EVI5: variants seen among roughly 807,000 people sequenced by gnomAD.
The protein encoded by EVI5 is ecotropic viral integration site 5, also known as ecotropic viral integration site 5 protein homolog.
EVI5 carries 73 observed loss-of-function variants against 112.0 expected under a neutral mutation model. The observed-to-expected ratio is 0.65, with a 90% CI of 0.54 to 0.79. The LOEUF (loss-of-function observed/expected upper bound fraction) is 0.79, where lower values mean the gene tolerates loss of function less well. Among genes scored for constraint, EVI5 ranks in the 30% least tolerant of loss-of-function variants. The probability of loss-of-function intolerance (pLI) is 0.00; values close to 1 mark genes in which losing one functional copy is unlikely to be tolerated. For synonymous variants in EVI5, 305 were observed against 319.9 expected (o/e 0.95, Z 0.50); for missense variants, 900 against 968.8 (o/e 0.93, Z 0.94).
chr1:92,528,460 C>A (rs1162667446), intron 19 of EVI5, among the ~76,000 whole-genome samples: 1 of 152,100 alleles, frequency 6.6e-6, no homozygotes, highest in Admixed American at 6.6e-5. Flanking sequence ...CATTCCTAGG[C>A]ATATGAAAAA....
At position 92,584,104 on chromosome 1, in the gene EVI5, TAAG is replaced by T. The variant is rs1385042219; in HGVS notation, c.2071-20370_2071-20368del. ...AAACACAAGCGTAAAGCTTTCATTTTAAGAATATTTTATATTATACCCACAGAT... is the reference window on the plus strand; with the variant it reads ...AAACACAAGCGTAAAGCTTTCATTTTAATATTTTATATTATACCCACAGAT... On this transcript the variant is annotated intron_variant, in intron 18 of 19. Coordinates refer to ENST00000684568, the MANE Select transcript of EVI5 (RefSeq NM_001350197.2). Among the ~76,000 whole-genome samples the T allele has an allele frequency of 5.9e-5, 9 of 152,282 alleles. No individual in the cohort carries two copies. The East Asian group carries it at 1.7e-3, about 29-fold the overall frequency.
intron 1 of EVI5, among the ~76,000 whole-genome samples, chr1:92,743,137 G>A (rs1678684123): frequency 6.6e-6 from 1 of 152,258 alleles, no homozygotes; most frequent in Admixed American, 6.5e-5. Flanking sequence ...CGGATCACCT[G>A]AGGTCAGGAG....
chr1:92,777,163 C>G (rs1442248110), intron 1 of EVI5, among the ~76,000 whole-genome samples: 1 of 152,124 alleles, frequency 6.6e-6, no homozygotes, highest in Non-Finnish European at 1.5e-5. Flanking sequence ...GTCTTAAACT[C>G]CTGACCTCAG....
chr1:92,759,317 C>G (rs1377395980), intron 1 of EVI5, among the ~76,000 whole-genome samples: 1 of 152,118 alleles, frequency 6.6e-6, no homozygotes, highest in Non-Finnish European at 1.5e-5. Flanking sequence ...ATTTAATTGT[C>G]AACAAACTCA....
chr1:92,782,630 CG>C (rs1685010106), intron 1 of EVI5, among the ~76,000 whole-genome samples: 2 of 152,248 alleles, frequency 1.3e-5, no homozygotes, highest in African/African-American at 2.4e-5. Flanking sequence ...GTGGGGTAAC[CG>C]GAACATTCCC....
In EVI5 at chr1:92,692,156, C is replaced by T. The variant is rs72968817; in HGVS notation, c.1097+1646G>A. ...TTGATAAAGCAGAATGGGGAGAGCA[C>T]GAATAAGGAAGTGAAAGAAATAGAG... On this transcript the variant is annotated intron_variant, in intron 9 of 19. Transcript: ENST00000684568. Among the ~76,000 whole-genome samples the T allele has an allele frequency of 4.2e-3, 630 of 151,704 alleles. 5 individuals carry two copies. The highest frequency in any genetic ancestry group is 0.015 in the African/African-American group (607 of 41,318).
intron 14 of EVI5, among the ~76,000 whole-genome samples, chr1:92,626,924 C>T (rs1049206002): frequency 6.6e-6 from 1 of 152,164 alleles, no homozygotes; most frequent in Non-Finnish European, 1.5e-5. Flanking sequence ...CTATTTACAT[C>T]AACAGTCAAG....
At chr1:92,659,589 C>CA (rs1478305177) in intron 13 of EVI5, among the ~76,000 whole-genome samples, 11 of 152,122 alleles carry the variant, frequency 7.2e-5, no homozygotes, top group African/African-American at 2.6e-4. Flanking sequence ...CAGAAAATAA[C>CA]AGATATTGGT....
chr1:92,697,936 T>C lies in EVI5; in HGVS notation c.689A>G (p.Tyr230Cys), dbSNP rs776401198. 6.2e-7 allele frequency: 1 copy of C among 1,612,656 alleles called. No homozygotes were observed. The highest frequency in any genetic ancestry group is 2.2e-5 in the East Asian group (1 of 44,808). Reference protein sequence around the residue: ...FCVFVKLMQDYRLRELFKPSM... With the variant: ...FCVFVKLMQDCRLRELFKPSM... ...TGGTTTAAAAAGTTCACGAAGTCTATAATCTTGCATTAATTTAACAAATAC... is the reference window on the plus strand; with the variant it reads ...TGGTTTAAAAAGTTCACGAAGTCTACAATCTTGCATTAATTTAACAAATAC... The change falls in exon 6 of 20, where the codon TAT becomes TGT. Residue 230 changes from tyrosine (Y) to cysteine (C), a missense_variant. Coordinates refer to ENST00000684568, the MANE Select transcript of EVI5 (RefSeq NM_001350197.2).
At position 92,781,101 on chromosome 1, in the gene EVI5, C is replaced by T. The variant is rs184938225; in HGVS notation, c.-82+3735G>A. 1.6e-4 allele frequency among the ~76,000 whole-genome samples: 24 copies of T among 152,132 alleles called. No individual in the cohort carries two copies. In the East Asian group the frequency reaches 4.3e-3, roughly 27 times the overall value. ...TCCTGACCTCATGATCCGCTCGCCT[C>T]GGCCTCCCAAAGTGCTGGGATTTCA... On this transcript the variant is annotated intron_variant, in intron 1 of 19. Transcript: ENST00000684568.
upstream of EVI5, among the ~76,000 whole-genome samples, chr1:92,785,673 C>T (rs1259512589): frequency 2.0e-5 from 3 of 152,226 alleles, no homozygotes; most frequent in Non-Finnish European, 4.4e-5. Flanking sequence ...TCAACGAAGA[C>T]ATTCTTAGAA....
At chr1:92,593,348 G>T (rs1674329256) in intron 18 of EVI5, among the ~76,000 whole-genome samples, 1 of 152,048 alleles carries the variant, frequency 6.6e-6, no homozygotes, top group African/African-American at 2.4e-5. Context: ...ATGCAGAAAA[G>T]GCCTCTGACA....
At chr1:92,630,528 T>C (rs1315885365) in intron 14 of EVI5, among the ~76,000 whole-genome samples, 10 of 152,232 alleles carry the variant, frequency 6.6e-5, no homozygotes, top group East Asian at 1.9e-4. Flanking sequence ...TGTTTTTTTC[T>C]TGTAAATTTG....
intron 19 of EVI5, among the ~76,000 whole-genome samples, chr1:92,531,486 T>C (rs1423304495): frequency 6.6e-6 from 1 of 152,022 alleles, no homozygotes; most frequent in Non-Finnish European, 1.5e-5. Flanking sequence ...CACATAATCA[T>C]CAGATTCACC....
intron 5 of EVI5, 42 bp downstream of exon 5, chr1:92,702,099 A>G (rs201550035): frequency 4.8e-5 from 49 of 1,019,110 alleles, no homozygotes; most frequent in Non-Finnish European, 6.7e-5. Context: ...ATCCAACTTA[A>G]TAAAAAATTT....
intron 19 of EVI5, among the ~76,000 whole-genome samples, chr1:92,554,779 G>A (rs536522567): frequency 1.3e-5 from 2 of 152,196 alleles, no homozygotes; most frequent in East Asian, 1.9e-4. Context: ...GACCAGCCTT[G>A]GCAACACAGT....
chr1:92,631,759 C>T (rs573516264), intron 14 of EVI5, among the ~76,000 whole-genome samples: 7 of 152,104 alleles, frequency 4.6e-5, no homozygotes, highest in Admixed American at 1.3e-4. Context: ...GTCTTGTGCC[C>T]GTTTTCAAAG....
At chr1:92,685,562 C>G (rs913793561) in intron 9 of EVI5, among the ~76,000 whole-genome samples, 3 of 152,046 alleles carry the variant, frequency 2.0e-5, no homozygotes, top group Admixed American at 2.0e-4. Flanking sequence ...CAGAGCAGAA[C>G]TGAAGGAAAT....
intron 6 of EVI5, among the ~76,000 whole-genome samples, chr1:92,696,097 A>AT (rs1029388730): frequency 1.3e-5 from 2 of 151,588 alleles, no homozygotes; most frequent in Non-Finnish European, 2.9e-5. Context: ...TGCCCAGCCA[A>AT]TTTTTTTTAT....
Sources: allele counts gnomAD v4.1 joint callset (sites outside exome capture counted in the v4.1 genomes callset), GRCh38; gene constraint gnomAD v4.1.1; transcripts MANE v1.5; gene names NCBI Gene and HGNC (gene_info 2026-07-23, HGNC 2026-07-21).